Variants in TAGAP observed in about 807,000 individuals in gnomAD.
TAGAP encodes the protein T cell activation RhoGTPase activating protein.
TAGAP carries 16 observed loss-of-function variants against 36.0 expected under a neutral mutation model. The observed-to-expected ratio is 0.44, with a 90% CI of 0.30 to 0.68. TAGAP has a LOEUF of 0.68. Among genes scored for constraint, TAGAP ranks in the 30% least tolerant of loss-of-function variants. The pLI, the probability that TAGAP is intolerant of heterozygous loss-of-function variation, is 0.09. For missense variants in TAGAP, 794 were observed against 921.5 expected, an observed-to-expected ratio of 0.86 and a Z score of 1.79; for synonymous variants, 372 against 377.4, an observed-to-expected ratio of 0.99 and a Z score of 0.17.
Position 159,041,568 on chromosome 6 carries a change from A to G in TAGAP, c.316-53T>C, listed in dbSNP as rs1779753688. ...AAGGGTTACCCTTCTTCTTTAGTAT[A>G]CTGAGATAGTCTTAACAGGAATATT... On this transcript the variant is annotated intron_variant, in intron 5 of 9. Transcript: ENST00000367066. This position sits in a 1 kb window ranked among gnomAD's most constrained non-coding sequence, Gnocchi z 4.1. 1 of 1,560,280 alleles carries G rather than the reference A, an allele frequency of 6.4e-7. No individual in the cohort carries two copies. The highest frequency in any genetic ancestry group is 1.4e-5 in the African/African-American group (1 of 72,932).
At position 159,036,748 on chromosome 6, in the gene TAGAP, C is replaced by G. The variant is rs377073602; in HGVS notation, c.1275G>C (p.Glu425Asp). 3 of 1,614,192 alleles carry G rather than the reference C, an allele frequency of 1.9e-6. No homozygotes were observed. Among genetic ancestry groups the G allele is most frequent in the Non-Finnish European group, 2.5e-6 (3 of 1,180,030 alleles). The change falls in exon 10 of 10, where the codon GAG becomes GAC. Residue 425 changes from glutamate (E) to aspartate (D), a missense_variant. Coordinates refer to ENST00000367066, the MANE Select transcript of TAGAP (RefSeq NM_054114.5). The surrounding 1 kb of genome is among the most constrained non-coding windows in gnomAD (Gnocchi z 4.9). ...SEEAEDPFPE[E>D]VFPAVQGKTK... ...TTTTGCCTTGCACTGCAGGGAAGAC[C>G]TCCTCTGGAAATGGGTCTTCAGCCT...
rs1332204714 is a variant in TAGAP, at chr6:159,041,668, A to G, written c.316-153T>C. 2 of 850,838 alleles carry G rather than the reference A, an allele frequency of 2.4e-6. No individual in the cohort carries two copies. Among genetic ancestry groups the G allele is most frequent in the South Asian group, 4.1e-5 (2 of 48,420 alleles). The allele number at this position is 850,838 out of a possible 1,614,324, so 52.7% of individuals were successfully genotyped here. ...CCCTGCTATTTTTCTAAGAGGAGGCAAATTGTGAAAGCTCTAATTTTGCAC... is the reference window on the plus strand; with the variant it reads ...CCCTGCTATTTTTCTAAGAGGAGGCGAATTGTGAAAGCTCTAATTTTGCAC... On this transcript the variant is annotated intron_variant, in intron 5 of 9. Coordinates refer to ENST00000367066, the MANE Select transcript of TAGAP (RefSeq NM_054114.5). This position sits in a 1 kb window ranked among gnomAD's most constrained non-coding sequence, Gnocchi z 4.1.
At chr6:159,043,542 T>C (rs575218249) in intron 4 of TAGAP, 47 bp downstream of exon 4, 1 of 1,584,890 alleles carries the variant, frequency 6.3e-7, no homozygotes, top group Non-Finnish European at 8.7e-7. Flanking sequence ...CCAAGAGCAC[T>C]GGTTGTTAGC....
intron 7 of TAGAP, among the ~76,000 whole-genome samples, chr6:159,039,917 C>T (rs1043156032): frequency 8.5e-5 from 13 of 152,116 alleles, no homozygotes; most frequent in African/African-American, 2.9e-4. Context: ...ATTTTCATTT[C>T]TCAGAAGAAG....
chr6:159,034,828 G>C lies in TAGAP; in HGVS notation c.*999C>G, dbSNP rs1779475012. 6.6e-6 allele frequency: 1 copy of C among 152,166 alleles called. No individual in the cohort carries two copies. Among genetic ancestry groups the C allele is most frequent in the African/African-American group, 2.4e-5 (1 of 41,420 alleles). The allele number at this position is 152,166 out of a possible 1,614,324, so 9.4% of individuals were successfully genotyped here. On this transcript the variant is annotated 3_prime_UTR_variant, in exon 10 of 10. Transcript: ENST00000367066. ...ATGGTTTTGCAAATTCTGGAGAACAGGGACTGCTTCTTCCTAAACAAGATC... is the reference window on the plus strand; with the variant it reads ...ATGGTTTTGCAAATTCTGGAGAACACGGACTGCTTCTTCCTAAACAAGATC...
intron 4 of TAGAP, 56 bp downstream of exon 4, chr6:159,043,533 C>G: frequency 6.4e-7 from 1 of 1,564,460 alleles, no homozygotes; most frequent in South Asian, 1.1e-5. Context: ...TTTTGCAAAC[C>G]AAGAGCACTG....
Position 159,043,944 on chromosome 6 carries a change from T to C in TAGAP, c.81+34A>G, listed in dbSNP as rs942666909. ...AACAAAGTTTTCCACCTTCTCACAG[T>C]ACAGATAAAAAGTCTTAAAAATTGC... On this transcript the variant is annotated intron_variant, in intron 3 of 9. Coordinates refer to ENST00000367066, the MANE Select transcript of TAGAP (RefSeq NM_054114.5). 5 of 1,586,618 alleles carry C rather than the reference T, an allele frequency of 3.2e-6. No homozygotes were observed. In the South Asian group the frequency reaches 4.5e-5, roughly 14 times the overall value.
chr6:159,041,063 T>C lies in TAGAP; in HGVS notation c.478-231A>G. On this transcript the variant is annotated intron_variant, in intron 6 of 9. Coordinates refer to ENST00000367066, the MANE Select transcript of TAGAP (RefSeq NM_054114.5). The surrounding 1 kb of genome is among the most constrained non-coding windows in gnomAD (Gnocchi z 4.1). ...CAGAGGCACCATCCCCAGGTGGGTG[T>C]GTTCTGAGGGGCCACTGGATTTTGA... The C allele has an allele frequency of 1.7e-6, 1 of 583,510 alleles. No individual in the cohort carries two copies. Among genetic ancestry groups the C allele is most frequent in the South Asian group, 2.3e-5 (1 of 43,704 alleles). The allele number at this position is 583,510 out of a possible 1,614,324, so 36.1% of individuals were successfully genotyped here.
chr6:159,039,860 A>C (rs1313532867), intron 7 of TAGAP, among the ~76,000 whole-genome samples: 2 of 152,256 alleles, frequency 1.3e-5, no homozygotes, highest in Non-Finnish European at 2.9e-5. Flanking sequence ...AATGATAAGA[A>C]ATTAGACTTC....
At position 159,041,392 on chromosome 6, in the gene TAGAP, C is replaced by T. The variant is rs41267765; in HGVS notation, c.439G>A (p.Glu147Lys). 0.02 allele frequency: 32,769 copies of T among 1,614,096 alleles called. 388 individuals carry two copies. Among genetic ancestry groups the T allele is most frequent in the Middle Eastern group, 0.039 (235 of 6,040 alleles). ...ELNSGDAVDL[E>K]RLPVHLLAVV... is the part of the protein sequence containing the mutation. ...GCGAGGAGGTGCACGGGGAGCCTCT[C>T]CAGATCCACCGCATCCCCAGAGTTG... The change falls in exon 6 of 10, where the codon GAG (glutamate) becomes AAG (lysine). Residue 147 changes from glutamate to lysine, a missense_variant. Coordinates refer to ENST00000367066, the MANE Select transcript of TAGAP (RefSeq NM_054114.5). This position sits in a 1 kb window ranked among gnomAD's most constrained non-coding sequence, Gnocchi z 4.1.
intron 7 of TAGAP, among the ~76,000 whole-genome samples, chr6:159,040,338 A>C (rs150916755): frequency 6.6e-5 from 10 of 152,342 alleles, no homozygotes; most frequent in African/African-American, 1.9e-4. Context: ...GTTGCCTTGC[A>C]TGACACCAGT....
chr6:159,039,030 T>C, intron 8 of TAGAP, 84 bp downstream of exon 8: 2 of 1,602,526 alleles, frequency 1.2e-6, no homozygotes, highest in Non-Finnish European at 1.7e-6. Flanking sequence ...GTTGGAGACA[T>C]TCTGAAGCAT....
chr6:159,042,103 C>T lies in TAGAP; in HGVS notation c.290G>A (p.Ser97Asn). 1 of 1,614,160 alleles carries T rather than the reference C, an allele frequency of 6.2e-7. No individual in the cohort carries two copies. Among genetic ancestry groups the T allele is most frequent in the Non-Finnish European group, 8.5e-7 (1 of 1,180,012 alleles). ...DQPLSIICGD[S>N]DTLPRPIQDI... The stretch of plus-strand genomic sequence containing the variant: ...CTGGATGGGTCTGGGGAGTGTGTCA[C>T]TGTCACCGCAGATAATTGACAAGGG... Residue 97 changes from serine (S) to asparagine (N), a missense_variant, in exon 5 of 10, where the codon AGT becomes AAT. By Grantham distance (46) the Ser-to-Asn change is conservative. Coordinates refer to ENST00000367066, the MANE Select transcript of TAGAP (RefSeq NM_054114.5).
Position 159,035,871 on chromosome 6 carries a change from A to G in TAGAP, c.2152T>C (p.Phe718Leu). The G allele has an allele frequency of 6.2e-7, 1 of 1,609,718 alleles. No homozygotes were observed. Among genetic ancestry groups the G allele is most frequent in the Non-Finnish European group, 8.5e-7 (1 of 1,176,330 alleles). ...GCATATTGGAATTGGTCAGCCTCAA[A>G]GACCGGCTGGCTACATCGTCGCACG... ...CLVRRCSQPV[F>L]EADQFQYAKE... is the part of the protein sequence containing the mutation. Residue 718 changes from phenylalanine to leucine, a missense_variant, in exon 10 of 10, where the codon TTT becomes CTT. Coordinates refer to ENST00000367066, the MANE Select transcript of TAGAP (RefSeq NM_054114.5).
In TAGAP at chr6:159,037,045, G is replaced by A. The variant is rs769757092; in HGVS notation, c.978C>T (p.Ser326=). The A allele has an allele frequency of 1.2e-6, 2 of 1,613,232 alleles. No individual in the cohort carries two copies. The highest frequency in any genetic ancestry group is 8.5e-7 in the Non-Finnish European group (1 of 1,180,020). The change falls in exon 10 of 10, where the codon AGC becomes AGT. Residue 326 remains serine, a synonymous_variant. Transcript: ENST00000367066. The surrounding 1 kb of genome is among the most constrained non-coding windows in gnomAD (Gnocchi z 5.1). ...DVESNSSSGI[S]SPSRQPQVPM... Reference sequence around the variant, plus strand: ...GCACCTGGGGCTGCCTGCTGGGAGAGCTGATGCCACTGCTGCTGTTGGATT... The same window carrying A: ...GCACCTGGGGCTGCCTGCTGGGAGAACTGATGCCACTGCTGCTGTTGGATT...
chr6:159,036,994 A>G lies in TAGAP; in HGVS notation c.1029T>C (p.Asp343=). The part of the protein sequence containing the change: ...QVPMATAAGL[D]SAGPQDAREV... ...CTCGGGCATCCTGTGGGCCCGCGCT[A>G]TCCAAGCCAGCAGCTGTGGCCATGG... Residue 343 remains aspartate, a synonymous_variant, in exon 10 of 10, where the codon GAT becomes GAC. Coordinates refer to ENST00000367066, the MANE Select transcript of TAGAP (RefSeq NM_054114.5). This position sits in a 1 kb window ranked among gnomAD's most constrained non-coding sequence, Gnocchi z 4.9. The G allele has an allele frequency of 1.2e-6, 2 of 1,613,778 alleles. No individual in the cohort carries two copies. The highest frequency in any genetic ancestry group is 1.7e-6 in the Non-Finnish European group (2 of 1,179,960).
rs370332878 is a variant in TAGAP, at chr6:159,038,861, A to G, written c.783+253T>C. ...AACACAAAAACAAAAGGGCTTTTTTATATCGGGAGAGAGTGATGTAAATAC... is the reference window on the plus strand; with the variant it reads ...AACACAAAAACAAAAGGGCTTTTTTGTATCGGGAGAGAGTGATGTAAATAC... On this transcript the variant is annotated intron_variant, in intron 8 of 9. Transcript: ENST00000367066. 751 of 1,340,464 alleles carry G rather than the reference A, an allele frequency of 5.6e-4. 10 individuals carry two copies. In the South Asian group the frequency reaches 0.01, roughly 19 times the overall value. The allele number at this position is 1,340,464 out of a possible 1,614,324, so 83.0% of individuals were successfully genotyped here. A position where few individuals can be genotyped will look rare whatever the true frequency, so the allele number is the denominator to read the frequency against.
At chr6:159,039,438 G>C in intron 7 of TAGAP, 129 bp from the exon 8 acceptor site, 1 of 975,114 alleles carries the variant, frequency 1.0e-6, no homozygotes, top group Non-Finnish European at 1.5e-6. Context: ...GTAATATTGT[G>C]AAATGCTCAT....
chr6:159,035,890 T>G lies in TAGAP; in HGVS notation c.2133A>C (p.Arg711=). The change falls in exon 10 of 10, where the codon CGA becomes CGC. Residue 711 remains arginine, a synonymous_variant. Coordinates refer to ENST00000367066, the MANE Select transcript of TAGAP (RefSeq NM_054114.5). ...CCTCAAAGACCGGCTGGCTACATCG[T>G]CGCACGAGACAGTCCCGCTTATTCC... ...VQRNKRDCLV[R]RCSQPVFEAD... is the part of the protein sequence containing the mutation. 1 of 1,612,302 alleles carries G rather than the reference T, an allele frequency of 6.2e-7. No homozygotes were observed. The highest frequency in any genetic ancestry group is 8.5e-7 in the Non-Finnish European group (1 of 1,178,462).
Sources: gnomAD v4.1 joint callset for allele counts (sites outside exome capture counted in the v4.1 genomes callset) on GRCh38, gnomAD v4.1.1 for gene constraint, Gnocchi (gnomAD v3.1) non-coding constraint, MANE v1.5 for transcripts, NCBI Gene and HGNC (gene_info 2026-07-23, HGNC 2026-07-21) for gene names.